Variants in C1QTNF7 observed in about 807,000 individuals in gnomAD.
The protein encoded by C1QTNF7 is complement C1q tumor necrosis factor-related protein 7.
Under a neutral mutation model 19.6 loss-of-function variants are expected in C1QTNF7, and 15 were observed. The observed-to-expected ratio is 0.76, with a 90% confidence interval of 0.51 to 1.18. The LOEUF (loss-of-function observed/expected upper bound fraction) is 1.18. C1QTNF7 is among the 50% of genes most tolerant of loss of function. C1QTNF7 has a pLI of 0.00. For synonymous variants in C1QTNF7, 142 were observed against 137.5 expected (o/e 1.03, Z -0.23); for missense variants, 324 against 359.7 (o/e 0.90, Z 0.80).
intron 1 of C1QTNF7, among the ~76,000 whole-genome samples, chr4:15,390,817 G>A (rs1004172778): frequency 6.6e-6 from 1 of 151,956 alleles, no homozygotes; most frequent in East Asian, 1.9e-4. Flanking sequence ...TCCCAATAAC[G>A]TTCTAATCTT....
chr4:15,364,060 T>A (rs1717431208), intron 1 of C1QTNF7, among the ~76,000 whole-genome samples: 2 of 152,242 alleles, frequency 1.3e-5, no homozygotes, highest in Admixed American at 6.5e-5. Context: ...AATCTTGTTA[T>A]GATCCCACTA....
chr4:15,343,343 A>C (rs1716611812), intron 1 of C1QTNF7, among the ~76,000 whole-genome samples: 1 of 152,214 alleles, frequency 6.6e-6, no homozygotes, highest in African/African-American at 2.4e-5. Flanking sequence ...TTTAATTGAA[A>C]TGTACTAATC....
chr4:15,373,853 A>AT (rs1288492763), intron 1 of C1QTNF7: 1 of 152,242 alleles, frequency 6.6e-6, no homozygotes, highest in African/African-American at 2.4e-5. Flanking sequence ...ATAACACCGA[A>AT]TGGAAAATGA....
intron 1 of C1QTNF7, among the ~76,000 whole-genome samples, chr4:15,404,838 G>A (rs1205072174): frequency 6.6e-6 from 1 of 152,144 alleles, no homozygotes; most frequent in African/African-American, 2.4e-5. Flanking sequence ...ATATTAAGTG[G>A]CAATTTAACA....
rs542164712 is a variant in C1QTNF7, at chr4:15,401,393, C to T, written c.14-34343C>T. 3.9e-5 allele frequency among the ~76,000 whole-genome samples: 6 copies of T among 152,266 alleles called. No homozygotes were observed. The South Asian group carries it at 1.2e-3, about 32-fold the overall frequency. ...ATCAAGGCCAGCTGAGTAGGAAGAA[C>T]AGAAACCACAAACCTACTGGGGCCT... On this transcript the variant is annotated intron_variant, in intron 1 of 2. Transcript: ENST00000295297.
At chr4:15,428,960 C>T (rs1328127407) in intron 1 of C1QTNF7, among the ~76,000 whole-genome samples, 1 of 152,202 alleles carries the variant, frequency 6.6e-6, no homozygotes, top group Non-Finnish European at 1.5e-5. Flanking sequence ...TATAGTTTCC[C>T]TCACATGATG....
chr4:15,364,740 A>G (rs1003781161), intron 1 of C1QTNF7, among the ~76,000 whole-genome samples: 3 of 152,170 alleles, frequency 2.0e-5, no homozygotes, highest in African/African-American at 7.2e-5. Context: ...GAGAAAAAAT[A>G]TATTTCCTGG....
intron 1 of C1QTNF7, 60 bp downstream of exon 1, chr4:15,428,166 C>T (rs1279838307): frequency 2.6e-5 from 20 of 765,324 alleles, no homozygotes; most frequent in Non-Finnish European, 3.2e-5. Context: ...GGCCTGTTCT[C>T]GTGACGGGAG....
chr4:15,345,750 A>G (rs1030437591), intron 1 of C1QTNF7, among the ~76,000 whole-genome samples: 4 of 152,196 alleles, frequency 2.6e-5, no homozygotes, highest in African/African-American at 9.7e-5. Context: ...AGCTTCTTCA[A>G]AGTTACTCAG....
At chr4:15,362,338 T>C (rs1432736208) in intron 1 of C1QTNF7, 1 of 152,134 alleles carries the variant, frequency 6.6e-6, no homozygotes, top group Admixed American at 6.5e-5. Context: ...GATTCATCTT[T>C]CTGTGGGGGA....
intron 1 of C1QTNF7, among the ~76,000 whole-genome samples, chr4:15,432,652 C>T (rs1304054998): frequency 8.5e-5 from 13 of 152,204 alleles, no homozygotes; most frequent in Non-Finnish European, 1.5e-5. Context: ...ACCTTGGCCA[C>T]CCAAAGTGCT....
At chr4:15,360,244 A>C (rs986865701) in intron 1 of C1QTNF7, among the ~76,000 whole-genome samples, 1 of 152,168 alleles carries the variant, frequency 6.6e-6, no homozygotes, top group Non-Finnish European at 1.5e-5. Context: ...ATCTTTTAAA[A>C]ATACATACAG....
chr4:15,434,516 T>C (rs567767916), intron 1 of C1QTNF7, among the ~76,000 whole-genome samples: 1 of 152,224 alleles, frequency 6.6e-6, no homozygotes, highest in Non-Finnish European at 1.5e-5. Context: ...AAGCACTATA[T>C]AGATTTCTTG....
At chr4:15,342,035 C>T (rs1488178888) in intron 1 of C1QTNF7, among the ~76,000 whole-genome samples, 2 of 152,186 alleles carry the variant, frequency 1.3e-5, no homozygotes, top group African/African-American at 4.8e-5. Flanking sequence ...ATTAGGGTTG[C>T]TAATGAAGCC....
chr4:15,343,274 G>A (rs965989467), intron 1 of C1QTNF7, among the ~76,000 whole-genome samples: 32 of 152,180 alleles, frequency 2.1e-4, no homozygotes, highest in African/African-American at 7.7e-4. Context: ...GTGAGGTTGA[G>A]TTGTCCTGAT....
intron 1 of C1QTNF7, among the ~76,000 whole-genome samples, chr4:15,417,555 T>A (rs1166481111): frequency 1.3e-5 from 2 of 152,152 alleles, no homozygotes; most frequent in African/African-American, 4.8e-5. Flanking sequence ...GGCAAGAGGA[T>A]CACTTGAGTC....
In C1QTNF7 at chr4:15,359,436, T is replaced by G. The variant is rs559257134; in HGVS notation, c.13+19229T>G. Among the ~76,000 whole-genome samples the G allele has an allele frequency of 3.9e-5, 6 of 152,056 alleles. No individual in the cohort carries two copies. In the East Asian group the frequency reaches 1.2e-3, roughly 29 times the overall value. Reference sequence around the variant, plus strand: ...TCAATGGGTACAAATAAAAGAGAAGTTGATTCACACTACTTGGGTTTTGGG... The same window carrying G: ...TCAATGGGTACAAATAAAAGAGAAGGTGATTCACACTACTTGGGTTTTGGG... On this transcript the variant is annotated intron_variant, in intron 1 of 2. Coordinates refer to the C1QTNF7 transcript ENST00000295297.
chr4:15,389,445 A>G (rs575138803), intron 1 of C1QTNF7, among the ~76,000 whole-genome samples: 32 of 151,922 alleles, frequency 2.1e-4, no homozygotes, highest in Middle Eastern at 6.8e-3. Flanking sequence ...TTTAGATGGA[A>G]TTTTGCTCTT....
At chr4:15,425,055 A>C (rs1711974614), upstream of C1QTNF7, among the ~76,000 whole-genome samples, 1 of 152,096 alleles carries the variant, frequency 6.6e-6, no homozygotes, top group South Asian at 2.1e-4. Flanking sequence ...TAAGTGATGA[A>C]GTAATAAATA....
Sources: allele counts gnomAD v4.1 joint callset (sites outside exome capture counted in the v4.1 genomes callset), GRCh38; gene constraint gnomAD v4.1.1; transcripts MANE v1.5; gene names NCBI Gene and HGNC (gene_info 2026-07-23, HGNC 2026-07-21).